The following GRK3 variants were observed in gnomAD, a reference collection of about 807,000 sequenced individuals.
GRK3 encodes adrenergic, beta, receptor kinase 2.
Under a neutral mutation model 95.7 loss-of-function variants are expected in GRK3, and 54 were observed. The observed-to-expected ratio is 0.56, with a 90% CI of 0.45 to 0.71. GRK3 has a LOEUF of 0.71. GRK3 is among the 30% of genes least tolerant of loss of function. The pLI is 0.00. For missense variants in GRK3, 649 were observed against 851.2 expected (o/e 0.76, Z 2.96); for synonymous variants, 281 against 290.8 (o/e 0.97, Z 0.34).
intron 6 of GRK3, among the ~76,000 whole-genome samples, chr22:25,671,889 T>C (rs903204435): frequency 2.0e-5 from 3 of 152,242 alleles, no homozygotes; most frequent in Non-Finnish European, 4.4e-5. Context: ...AAGTGCAGAA[T>C]GCACTTCAGA....
At chr22:25,663,522 G>A (rs2084922985) in intron 4 of GRK3, 108 bp from the exon 5 acceptor site, 1 of 637,522 alleles carries the variant, frequency 1.6e-6, no homozygotes, top group Non-Finnish European at 2.7e-6. Context: ...ATTACCGTAG[G>A]TTACTGTTTA....
chr22:25,722,385 C>T lies in GRK3; in HGVS notation c.2002C>T (p.Pro668Ser), dbSNP rs1397865411. ...LRRAPKFLNK[P>S]RSGTVELPKP... ...TCGTGCCCCGAAGTTCCTCAACAAACCTCGGTCAGGTACTGTGGAGCTCCC... is the reference window on the plus strand; with the variant it reads ...TCGTGCCCCGAAGTTCCTCAACAAATCTCGGTCAGGTACTGTGGAGCTCCC... The change falls in exon 21 of 21, where the codon CCT (proline) becomes TCT (serine). Residue 668 changes from proline to serine, a missense_variant. Physicochemically the swap from Pro to Ser is moderately conservative, Grantham distance 74 (BLOSUM62 -1). Transcript: ENST00000324198. The T allele has an allele frequency of 1.2e-6, 2 of 1,614,162 alleles. No individual in the cohort carries two copies. Among genetic ancestry groups the T allele is most frequent in the African/African-American group, 2.7e-5 (2 of 75,032 alleles).
chr22:25,685,192 T>A lies in GRK3; in HGVS notation c.770T>A (p.Met257Lys). ...TAGGACTGTCCTTTCATTGTATGTATGACCTATGCCTTCCATACCCCAGAT... is the reference window on the plus strand; with the variant it reads ...TAGGACTGTCCTTTCATTGTATGTAAGACCTATGCCTTCCATACCCCAGAT... ...STGDCPFIVCMTYAFHTPDKL... is the reference protein window; with the variant it reads ...STGDCPFIVCKTYAFHTPDKL... The change falls in exon 10 of 21, where the codon ATG becomes AAG. Residue 257 changes from methionine to lysine, a missense_variant. This residue lies in a region of GRK3 where 61 missense variants were observed against 126.0 expected (regional missense o/e 0.48). Coordinates refer to ENST00000324198, the MANE Select transcript of GRK3 (RefSeq NM_005160.4). The A allele has an allele frequency of 6.2e-7, 1 of 1,613,234 alleles. No individual in the cohort carries two copies. Among genetic ancestry groups the A allele is most frequent in the African/African-American group, 1.3e-5 (1 of 75,060 alleles).
chr22:25,664,203 T>G (rs2146403926), intron 5 of GRK3, among the ~76,000 whole-genome samples: 1 of 152,354 alleles, frequency 6.6e-6, no homozygotes, highest in South Asian at 2.1e-4. Flanking sequence ...AATACCGTCA[T>G]ACAGGTTTAA....
chr22:25,679,324 C>G (rs1461099256), intron 9 of GRK3, among the ~76,000 whole-genome samples: 1 of 152,186 alleles, frequency 6.6e-6, no homozygotes, highest in South Asian at 2.1e-4. Flanking sequence ...TTGGATTACT[C>G]ACATCCGAAT....
At chr22:25,648,639 A>T (rs1423377675) in intron 3 of GRK3, 3 of 1,028,468 alleles carry the variant, frequency 2.9e-6, no homozygotes, top group Non-Finnish European at 4.6e-6. Context: ...GCCAATTTAC[A>T]TTGTCACTGA....
Position 25,680,949 on chromosome 22 carries a change from GT to G in GRK3, c.747+2049del, listed in dbSNP as rs200567822. Among the ~76,000 whole-genome samples, 707 of 139,220 alleles carry G rather than the reference GT, an allele frequency of 5.1e-3. 4 individuals are homozygous for G. The highest frequency in any genetic ancestry group is 0.035 in the South Asian group (153 of 4,384). The allele number at this position is 139,220 out of a possible 152,430, so 91.3% of individuals were successfully genotyped here. On this transcript the variant is annotated intron_variant, in intron 9 of 20. Coordinates refer to ENST00000324198, the MANE Select transcript of GRK3 (RefSeq NM_005160.4). ...ACCACAGTTTTCTTTTTACTGGAAGGTTTTTTTTTTTTTTTAATCTCAACTT... is the reference window on the plus strand; with the variant it reads ...ACCACAGTTTTCTTTTTACTGGAAGGTTTTTTTTTTTTTTAATCTCAACTT...
rs751467740 is a variant in GRK3 at position 25,609,336 on chromosome 22, C to CT, written c.190+4898dup. Among the ~76,000 whole-genome samples, 640 of 141,512 alleles carry CT rather than the reference C, an allele frequency of 4.5e-3. 1 individual carries two copies. The highest frequency in any genetic ancestry group is 0.012 in the East Asian group (58 of 4,912). The allele number at this position is 141,512 out of a possible 152,430, so 92.8% of individuals were successfully genotyped here. A position where few individuals can be genotyped will look rare whatever the true frequency, so the allele number is the denominator to read the frequency against. ...CTATAAGAAGACTCCAAAACAGATCCTTTTTTTTTTTTTTTAAGACAGTCT... is the reference window on the plus strand; with the variant it reads ...CTATAAGAAGACTCCAAAACAGATCCTTTTTTTTTTTTTTTTAAGACAGTCT... On this transcript the variant is annotated intron_variant, in intron 2 of 20. Coordinates refer to ENST00000324198, the MANE Select transcript of GRK3 (RefSeq NM_005160.4).
intron 3 of GRK3, among the ~76,000 whole-genome samples, chr22:25,661,012 T>A (rs988189495): frequency 2.0e-5 from 3 of 152,238 alleles, no homozygotes; most frequent in Admixed American, 1.3e-4. Flanking sequence ...TTAATACTTT[T>A]ATAGTGCAGC....
Position 25,727,468 on chromosome 22 carries a change from TG to T in GRK3, c.*5020del, listed in dbSNP as rs1220728911. The T allele has an allele frequency of 6.6e-6, 1 of 152,262 alleles. No individual in the cohort carries two copies. Among genetic ancestry groups the T allele is most frequent in the Non-Finnish European group, 1.5e-5 (1 of 68,050 alleles). 9.4% of individuals were successfully genotyped at this position (152,262 alleles called of 1,614,324 possible). A position where few individuals can be genotyped will look rare whatever the true frequency, so the allele number is the denominator to read the frequency against. ...AACCACTCCTGCAGGCCCCCACAGC[TG>T]GCCCAAAGGGGCTGTCTTTCTGACC... On this transcript the variant is annotated 3_prime_UTR_variant, in exon 21 of 21. Coordinates refer to ENST00000324198, the MANE Select transcript of GRK3 (RefSeq NM_005160.4).
intron 8 of GRK3, among the ~76,000 whole-genome samples, chr22:25,674,985 T>C (rs1356278700): frequency 6.6e-6 from 1 of 151,090 alleles, no homozygotes; most frequent in Non-Finnish European, 1.5e-5. Context: ...GCATGGGGAA[T>C]GAGAGCAATA....
intron 1 of GRK3, among the ~76,000 whole-genome samples, chr22:25,579,800 G>C (rs1932037485): frequency 6.6e-6 from 1 of 152,064 alleles, no homozygotes; most frequent in African/African-American, 2.4e-5. Flanking sequence ...AAGAATGGCA[G>C]CAAATTAATG....
chr22:25,648,850 G>A (rs748484604), intron 3 of GRK3: 7 of 1,046,310 alleles, frequency 6.7e-6, no homozygotes, highest in Non-Finnish European at 1.1e-5. Flanking sequence ...GCAGATTTTG[G>A]TTTAGCAAGG....
At chr22:25,618,468 T>G (rs1818041435) in intron 2 of GRK3, among the ~76,000 whole-genome samples, 1 of 152,220 alleles carries the variant, frequency 6.6e-6, no homozygotes, top group South Asian at 2.1e-4. Context: ...TCAAAGTGTC[T>G]CTATTTAAAG....
intron 2 of GRK3, among the ~76,000 whole-genome samples, chr22:25,606,708 G>A (rs1365082395): frequency 2.0e-5 from 3 of 152,046 alleles, no homozygotes; most frequent in Admixed American, 2.0e-4. Context: ...CGACACACAG[G>A]ATCACCACAG....
At chr22:25,659,422 C>T (rs1001477966) in intron 3 of GRK3, among the ~76,000 whole-genome samples, 1 of 152,184 alleles carries the variant, frequency 6.6e-6, no homozygotes, top group East Asian at 1.9e-4. Context: ...AAAGTGCTTG[C>T]TCTTAGGGCT....
intron 1 of GRK3, among the ~76,000 whole-genome samples, chr22:25,600,190 A>G (rs1257432949): frequency 7.1e-6 from 1 of 141,458 alleles, no homozygotes; most frequent in East Asian, 2.1e-4. Flanking sequence ...TCTGTCACCC[A>G]GGCTGCAGTG....
intron 9 of GRK3, chr22:25,684,627 A>G (rs1901945399): frequency 6.6e-6 from 1 of 152,284 alleles, no homozygotes; most frequent in South Asian, 2.1e-4. Context: ...GCCAGAAACA[A>G]AATGTTGACC....
At chr22:25,589,919 C>G (rs1408979008) in intron 1 of GRK3, among the ~76,000 whole-genome samples, 1 of 152,102 alleles carries the variant, frequency 6.6e-6, no homozygotes, top group East Asian at 1.9e-4. Flanking sequence ...CTTTATAAAA[C>G]CATCAGATCT....
Sources: allele counts gnomAD v4.1 joint callset (sites outside exome capture counted in the v4.1 genomes callset), GRCh38; gene constraint gnomAD v4.1.1; regional missense constraint gnomAD v4.1.1; transcripts MANE v1.5; gene names NCBI Gene and HGNC (gene_info 2026-07-23, HGNC 2026-07-21).